The following SMCHD1 variants were observed in gnomAD, a reference collection of about 807,000 sequenced individuals.
SMCHD1 encodes the protein structural maintenance of chromosomes flexible hinge domain-containing protein 1.
In SMCHD1, 78 loss-of-function variants were observed where a neutral mutation model predicts 254.7. The ratio of observed to expected loss-of-function variants is 0.31; its 90% CI spans 0.26 to 0.37. The LOEUF is 0.37. Among genes scored for constraint, SMCHD1 ranks in the 10% least tolerant of loss-of-function variants. SMCHD1 has a pLI of 1.00. For synonymous variants in SMCHD1, 766 were observed against 794.9 expected, an observed-to-expected ratio of 0.96 and a Z score of 0.61; for missense variants, 1,840 against 2,408.1, an observed-to-expected ratio of 0.76 and a Z score of 4.94.
At chr18:2,785,510 G>T (rs1365112353) in intron 45 of SMCHD1, among the ~76,000 whole-genome samples, 1 of 151,418 alleles carries the variant, frequency 6.6e-6, no homozygotes, top group Non-Finnish European at 1.5e-5. Context: ...AAATTAGCTG[G>T]GCGTGGTGAC....
chr18:2,715,613 G>C (rs1207301492), intron 17 of SMCHD1, among the ~76,000 whole-genome samples: 3 of 152,106 alleles, frequency 2.0e-5, no homozygotes, highest in Admixed American at 2.0e-4. Flanking sequence ...ATAATCCCAG[G>C]AGGCTGAAGT....
intron 19 of SMCHD1, 117 bp from the exon 20 acceptor site, chr18:2,722,402 G>A (rs2143404631): frequency 2.4e-6 from 2 of 825,440 alleles, no homozygotes; most frequent in South Asian, 2.0e-5. Context: ...GTTATTTTTA[G>A]CATAGTCTAA....
In SMCHD1 at chr18:2,700,851, C is replaced by T. The variant is rs397518422; in HGVS notation, c.1580C>T (p.Thr527Met). The stretch of plus-strand genomic sequence containing the variant: ...TTCCAGGTCAGCACAAATAAATTGA[C>T]GTTTATGGATCTTGAGCTAAAATTG... Reference protein sequence around the residue: ...DKFQVSTNKLTFMDLELKLKD... With the variant: ...DKFQVSTNKLMFMDLELKLKD... Residue 527 changes from threonine to methionine, a missense_variant, in exon 12 of 48, where the codon ACG becomes ATG. Around this residue, in one of 9 missense-constraint regions of SMCHD1, gnomAD observed 498 missense variants for 743.5 expected, o/e 0.67. Transcript: ENST00000320876. 5 of 1,612,680 alleles carry T rather than the reference C, an allele frequency of 3.1e-6. No individual in the cohort carries two copies. Among genetic ancestry groups the T allele is most frequent in the East Asian group, 2.2e-5 (1 of 44,812 alleles).
At chr18:2,742,887 G>C (rs1472679472) in intron 28 of SMCHD1, among the ~76,000 whole-genome samples, 1 of 152,054 alleles carries the variant, frequency 6.6e-6, no homozygotes, top group Non-Finnish European at 1.5e-5. Context: ...GTGTTGCCCA[G>C]GCTGGTCGTG....
chr18:2,660,824 C>T (rs1383093435), intron 1 of SMCHD1, among the ~76,000 whole-genome samples: 2 of 151,934 alleles, frequency 1.3e-5, no homozygotes, highest in African/African-American at 2.4e-5. Context: ...ATGGATATTT[C>T]ATATGGATTT....
At chr18:2,747,995 G>A (rs994744735) in intron 30 of SMCHD1, among the ~76,000 whole-genome samples, 2 of 152,150 alleles carry the variant, frequency 1.3e-5, no homozygotes, top group Non-Finnish European at 2.9e-5. Flanking sequence ...AATGGATTAA[G>A]GAACAGGCAT....
Position 2,781,503 on chromosome 18 carries a change from A to G in SMCHD1, c.5548-2947A>G, listed in dbSNP as rs538942772. On this transcript the variant is annotated intron_variant, in intron 44 of 47. Transcript: ENST00000320876. ...GTTTTTGAATGGAAATAATTTCCAC[A>G]TTGAAAATGAGAGCAAATATTTTTA... Among the ~76,000 whole-genome samples, 3 of 152,352 alleles carry G rather than the reference A, an allele frequency of 2.0e-5. No individual in the cohort carries two copies. The East Asian group carries it at 5.8e-4, about 29-fold the overall frequency.
At chr18:2,801,445 C>T (rs183182720) in intron 47 of SMCHD1, among the ~76,000 whole-genome samples, 3 of 152,258 alleles carry the variant, frequency 2.0e-5, no homozygotes, top group African/African-American at 7.2e-5. Flanking sequence ...TGATTATATT[C>T]ATGAAATTTG....
rs192067339 is a variant in SMCHD1, at chr18:2,676,665, T to C, written c.638+2520T>C. Among the ~76,000 whole-genome samples the C allele has an allele frequency of 2.6e-5, 4 of 152,318 alleles. No individual in the cohort carries two copies. The East Asian group carries it at 7.7e-4, about 29-fold the overall frequency. On this transcript the variant is annotated intron_variant, in intron 5 of 47. Coordinates refer to ENST00000320876, the MANE Select transcript of SMCHD1 (RefSeq NM_015295.3). ...CTCCCTCACCCCACCCTTTTTATTT[T>C]GAAACGTTTCAAGCCAATAGACAAG...
chr18:2,676,247 C>T (rs1198873274), intron 5 of SMCHD1, among the ~76,000 whole-genome samples: 1 of 152,028 alleles, frequency 6.6e-6, no homozygotes, highest in East Asian at 1.9e-4. Context: ...CAAAAAATTA[C>T]ATGTAAAAGC....
At chr18:2,733,418 G>A (rs1238009280) in intron 25 of SMCHD1, among the ~76,000 whole-genome samples, 1 of 152,226 alleles carries the variant, frequency 6.6e-6, no homozygotes, top group African/African-American at 2.4e-5. Context: ...TACCTAGCTT[G>A]ATGAAGCAAT....
At chr18:2,762,263 C>G (rs773866691) in intron 36 of SMCHD1, 27 bp downstream of exon 36, 1 of 1,604,450 alleles carries the variant, frequency 6.2e-7, no homozygotes, top group Non-Finnish European at 8.5e-7. Context: ...TCCAAAACTG[C>G]GAAGGGTAAC....
At chr18:2,701,536 ATTTGC>A (rs2074402089) in intron 12 of SMCHD1, among the ~76,000 whole-genome samples, 1 of 152,108 alleles carries the variant, frequency 6.6e-6, no homozygotes, top group South Asian at 2.1e-4. Flanking sequence ...GAACAATTGT[ATTTGC>A]TTTAAGGGCT....
intron 45 of SMCHD1, among the ~76,000 whole-genome samples, chr18:2,785,670 A>AAAAAAAAAAAAAAAAAAAAAAAAAAAAG: frequency 1.0e-5 from 1 of 97,932 alleles, no homozygotes; most frequent in Non-Finnish European, 1.9e-5. Flanking sequence ...AAAAAAAAAA[A>AAAAAAAAAAAAAAAAAAAAAAAAAAAAG]ACAGTTCATT....
intron 4 of SMCHD1, 91 bp downstream of exon 4, chr18:2,673,454 C>T (rs915551258): frequency 1.1e-6 from 1 of 942,690 alleles, no homozygotes; most frequent in Non-Finnish European, 1.5e-6. Flanking sequence ...AGAGATAAAA[C>T]TAAAAGTAGA....
At chr18:2,713,845 T>A (rs2074735801) in intron 17 of SMCHD1, among the ~76,000 whole-genome samples, 1 of 152,240 alleles carries the variant, frequency 6.6e-6, no homozygotes, top group East Asian at 1.9e-4. Flanking sequence ...TTACTTGATA[T>A]GATTCTGATT....
chr18:2,703,946 T>G, intron 13 of SMCHD1, 60 bp downstream of exon 13: 1 of 1,292,138 alleles, frequency 7.7e-7, no homozygotes, highest in Non-Finnish European at 1.0e-6. Context: ...AAAACACATA[T>G]GCAGAATCAC....
At chr18:2,679,801 CT>C (rs1170395909) in intron 5 of SMCHD1, among the ~76,000 whole-genome samples, 1 of 152,024 alleles carries the variant, frequency 6.6e-6, no homozygotes, top group African/African-American at 2.4e-5. Context: ...ATTTTTTTCT[CT>C]AAGTATTCTT....
chr18:2,788,958 T>C (rs2076278592), intron 45 of SMCHD1, among the ~76,000 whole-genome samples: 1 of 152,174 alleles, frequency 6.6e-6, no homozygotes, highest in Admixed American at 6.6e-5. Context: ...CAAACAATCC[T>C]AACTACAGAC....
Sources: allele counts gnomAD v4.1 joint callset (sites outside exome capture counted in the v4.1 genomes callset), GRCh38; gene constraint gnomAD v4.1.1; regional missense constraint gnomAD v4.1.1; transcripts MANE v1.5; gene names NCBI Gene and HGNC (gene_info 2026-07-23, HGNC 2026-07-21).